ESYT3: variants seen among roughly 807,000 people sequenced by gnomAD.
ESYT3 encodes extended synaptotagmin 3.
Under a neutral mutation model 111.5 loss-of-function variants are expected in ESYT3, and 101 were observed. The ratio of observed to expected loss-of-function variants is 0.91; its 90% CI spans 0.77 to 1.07. The LOEUF (loss-of-function observed/expected upper bound fraction) is 1.07. Ranked by LOEUF, ESYT3 falls within the 50% of genes least tolerant of loss-of-function variation. The probability of loss-of-function intolerance (pLI) is 0.00; values close to 1 mark genes in which losing one functional copy is unlikely to be tolerated. For synonymous variants in ESYT3, 416 were observed against 446.8 expected (o/e 0.93, Z 0.87); for missense variants, 1,097 against 1,109.4 (o/e 0.99, Z 0.16).
At chr3:138,473,464 T>G in intron 18 of ESYT3, 72 bp from the exon 19 acceptor site, 2 of 1,334,642 alleles carry the variant, frequency 1.5e-6, no homozygotes, top group Non-Finnish European at 2.1e-6. Context: ...GAATGCTTCT[T>G]TGTCTTTGGG....
chr3:138,476,824 G>A lies in ESYT3; in HGVS notation c.2631G>A (p.Glu877=), dbSNP rs777323654. The A allele has an allele frequency of 6.2e-7, 1 of 1,614,024 alleles. No homozygotes were observed. Among genetic ancestry groups the A allele is most frequent in the Non-Finnish European group, 8.5e-7 (1 of 1,179,944 alleles). Residue 877 remains glutamate (E), a synonymous_variant, in exon 23 of 23, where the codon GAG becomes GAA. Transcript: ENST00000389567. The stretch of plus-strand genomic sequence containing the variant: ...AAACGTAACTGTCTTACAGGTATGA[G>A]CTGACTCCAAATGGACAGCCCAGAA... ...DLIKGFSQWY[E]LTPNGQPRS is the part of the protein sequence containing the mutation.
intron 1 of ESYT3, among the ~76,000 whole-genome samples, chr3:138,450,452 T>C (rs2031848177): frequency 1.3e-5 from 2 of 152,204 alleles, no homozygotes; most frequent in Admixed American, 1.3e-4. Context: ...CTTCTATTTC[T>C]GTGGGCTGGG....
intron 11 of ESYT3, 35 bp downstream of exon 11, chr3:138,467,644 C>T (rs772353730): frequency 3.7e-6 from 6 of 1,607,534 alleles, no homozygotes; most frequent in Non-Finnish European, 5.1e-6. Context: ...GGGGGAGTTT[C>T]AAGGTAGCCC....
At chr3:138,451,343 C>T (rs566208164) in intron 1 of ESYT3, among the ~76,000 whole-genome samples, 10 of 152,260 alleles carry the variant, frequency 6.6e-5, no homozygotes, top group Admixed American at 4.6e-4. Flanking sequence ...GTGGGAGGGG[C>T]GCCCCACAGC....
At chr3:138,465,519 C>A in intron 10 of ESYT3, 98 bp downstream of exon 10, 1 of 920,840 alleles carries the variant, frequency 1.1e-6, no homozygotes, top group Non-Finnish European at 1.7e-6. Context: ...TGACTAGCAA[C>A]CCGCTGTGGT....
intron 16 of ESYT3, 84 bp downstream of exon 16, chr3:138,470,230 AG>A: frequency 6.6e-7 from 1 of 1,512,790 alleles, no homozygotes; most frequent in East Asian, 2.5e-5. Flanking sequence ...CACCTTGAGC[AG>A]GTTCTCCTGG....
intron 8 of ESYT3, among the ~76,000 whole-genome samples, chr3:138,463,640 T>C (rs947603057): frequency 2.0e-5 from 3 of 152,222 alleles, no homozygotes; most frequent in African/African-American, 7.2e-5. Context: ...GCCCTTGGGA[T>C]AGATTCCTAG....
Position 138,434,709 on chromosome 3 carries a change from G to T in ESYT3, c.-90G>T. Reference sequence around the variant, plus strand: ...AAGGGGGCGCGGCGTCCTGGTCCTCGAGCTTGGGAGACAGATGCGCATGGG... The same window carrying T: ...AAGGGGGCGCGGCGTCCTGGTCCTCTAGCTTGGGAGACAGATGCGCATGGG... On this transcript the variant is annotated 5_prime_UTR_variant, in exon 1 of 23. Transcript: ENST00000389567. 1 of 1,218,760 alleles carries T rather than the reference G, an allele frequency of 8.2e-7. No homozygotes were observed. The highest frequency in any genetic ancestry group is 1.6e-5 in the South Asian group (1 of 60,948). The allele number at this position is 1,218,760 out of a possible 1,614,324, so 75.5% of individuals were successfully genotyped here.
At chr3:138,439,973 C>T (rs924292548) in intron 1 of ESYT3, among the ~76,000 whole-genome samples, 1 of 152,128 alleles carries the variant, frequency 6.6e-6, no homozygotes, top group Non-Finnish European at 1.5e-5. Context: ...TCATTGGAGT[C>T]ATTCATGGAG....
chr3:138,462,103 TACTGGAGG>T lies in ESYT3; in HGVS notation c.815_822del (p.Leu272ProfsTer73). 6.2e-7 allele frequency: 1 copy of T among 1,614,150 alleles called. No homozygotes were observed. Among genetic ancestry groups the T allele is most frequent in the Non-Finnish European group, 8.5e-7 (1 of 1,180,024 alleles). On this transcript the variant is annotated frameshift_variant, in exon 8 of 23. Coordinates refer to ENST00000389567, the MANE Select transcript of ESYT3 (RefSeq NM_031913.5). LOFTEE classifies it high-confidence loss of function. Reference sequence around the variant, plus strand: ...GTGTCCAGTGATGTGTCAGACAGCTTACTGGAGGACCTCATTGCCACCCACCTGGTGCT... The same window carrying T: ...GTGTCCAGTGATGTGTCAGACAGCTTACCTCATTGCCACCCACCTGGTGCT...
chr3:138,443,702 C>T (rs2031324664), intron 1 of ESYT3, among the ~76,000 whole-genome samples: 1 of 150,426 alleles, frequency 6.6e-6, no homozygotes, highest in African/African-American at 2.5e-5. Flanking sequence ...TTGTGTGTGT[C>T]TGCGTGTGTG....
chr3:138,442,797 C>T (rs952816649), intron 1 of ESYT3, among the ~76,000 whole-genome samples: 6 of 152,140 alleles, frequency 3.9e-5, no homozygotes, highest in African/African-American at 1.2e-4. Context: ...GAATGCCTGC[C>T]GTGTAAATCT....
At chr3:138,461,023 G>A (rs998090110) in intron 7 of ESYT3, among the ~76,000 whole-genome samples, 1 of 152,178 alleles carries the variant, frequency 6.6e-6, no homozygotes, top group Non-Finnish European at 1.5e-5. Context: ...GTGTGGCTCT[G>A]GAACCAGAGG....
intron 1 of ESYT3, among the ~76,000 whole-genome samples, chr3:138,447,781 G>C (rs954083882): frequency 1.1e-4 from 17 of 151,912 alleles, no homozygotes; most frequent in African/African-American, 4.1e-4. Context: ...TAGAAAATGT[G>C]AATAAATAAA....
At chr3:138,457,021 C>G (rs1171863671) in intron 3 of ESYT3, among the ~76,000 whole-genome samples, 4 of 152,216 alleles carry the variant, frequency 2.6e-5, no homozygotes, top group Admixed American at 6.5e-5. Context: ...TTCCCATGTC[C>G]CCTCCTGACC....
chr3:138,449,594 G>A (rs1272564187), intron 1 of ESYT3, among the ~76,000 whole-genome samples: 1 of 152,178 alleles, frequency 6.6e-6, no homozygotes, highest in Non-Finnish European at 1.5e-5. Context: ...GGCCAGGGTT[G>A]GACCCACCAA....
chr3:138,465,203 TTC>T, intron 9 of ESYT3, 134 bp from the exon 10 acceptor site: 1 of 621,256 alleles, frequency 1.6e-6, no homozygotes, highest in Non-Finnish European at 2.9e-6. Context: ...CTTCACTCCC[TTC>T]TTATGGGTGG....
In ESYT3 at chr3:138,462,071, C is replaced by T. The variant is rs375955250; in HGVS notation, c.795-15C>T. On this transcript the variant is annotated splice_polypyrimidine_tract_variant and intron_variant, in intron 7 of 22. Transcript: ENST00000389567. ...CAGTGCCACCCCTCCACAGCTGGTC[C>T]TGCCTTGTGTCCAGTGATGTGTCAG... The T allele has an allele frequency of 1.8e-5, 29 of 1,613,812 alleles. No homozygotes were observed. The African/African-American group carries it at 3.7e-4, about 21-fold the overall frequency.
chr3:138,471,058 G>A, intron 17 of ESYT3, 32 bp downstream of exon 17: 1 of 1,584,748 alleles, frequency 6.3e-7, no homozygotes, highest in Non-Finnish European at 8.7e-7. Context: ...GGGGAGGGGA[G>A]GAATAGAGCT....
Sources: gnomAD v4.1 joint callset for allele counts (sites outside exome capture counted in the v4.1 genomes callset) on GRCh38, gnomAD v4.1.1 for gene constraint, MANE v1.5 for transcripts, NCBI Gene and HGNC (gene_info 2026-07-23, HGNC 2026-07-21) for gene names.